TBX15: variants seen among roughly 807,000 people sequenced by gnomAD.
TBX15 encodes T-box transcription factor 15, also known as T-box transcription factor TBX15.
Under a neutral mutation model 53.9 loss-of-function variants are expected in TBX15, and 18 were observed. The ratio of observed to expected loss-of-function variants is 0.33; its 90% CI spans 0.23 to 0.49. The LOEUF is 0.49. Ranked by LOEUF, TBX15 falls within the 20% of genes least tolerant of loss-of-function variation. The pLI is 0.98. For missense variants in TBX15, 692 were observed against 749.5 expected, an observed-to-expected ratio of 0.92 and a Z score of 0.90; for synonymous variants, 295 against 278.0, an observed-to-expected ratio of 1.06 and a Z score of -0.61.
chr1:118,912,246 A>G (rs1239966072), intron 6 of TBX15, among the ~76,000 whole-genome samples: 2 of 152,172 alleles, frequency 1.3e-5, no homozygotes, highest in Non-Finnish European at 1.5e-5. Flanking sequence ...TAGTTTAATA[A>G]CTAACACCAG....
At chr1:118,914,411 C>T (rs928916768) in intron 5 of TBX15, among the ~76,000 whole-genome samples, 1 of 152,168 alleles carries the variant, frequency 6.6e-6, no homozygotes, top group African/African-American at 2.4e-5. Context: ...GTATGTGACT[C>T]TAAAAACTCT....
intron 6 of TBX15, among the ~76,000 whole-genome samples, chr1:118,911,074 T>G (rs1347213736): frequency 6.6e-6 from 1 of 152,200 alleles, no homozygotes; most frequent in Non-Finnish European, 1.5e-5. Context: ...ATAAGTCAAG[T>G]GTAAACTGTT....
chr1:118,964,736 A>C (rs976582923), intron 1 of TBX15, among the ~76,000 whole-genome samples: 1 of 152,256 alleles, frequency 6.6e-6, no homozygotes, highest in Non-Finnish European at 1.5e-5. Context: ...AGGCATATGC[A>C]CTGGGTCAAA....
rs970874562 is a variant in TBX15, at chr1:118,987,930, G to A, written c.-135C>T. ...TCGGACGAGGCTGAGACTGCGGCTC[G>A]CGGGTCTCTCCACCCTCCCCCTGCG... On this transcript the variant is annotated 5_prime_UTR_variant, in exon 1 of 8. Coordinates refer to ENST00000369429, the MANE Select transcript of TBX15 (RefSeq NM_001330677.2). The A allele has an allele frequency of 4.5e-5, 50 of 1,115,060 alleles. 1 individual carries two copies. The highest frequency in any genetic ancestry group is 6.3e-5 in the Non-Finnish European group (50 of 792,752). 69.1% of individuals were successfully genotyped at this position (1,115,060 alleles called of 1,614,324 possible). A position where few individuals can be genotyped will look rare whatever the true frequency, so the allele number is the denominator to read the frequency against.
chr1:118,928,308 C>T (rs1655667050), intron 2 of TBX15, among the ~76,000 whole-genome samples: 2 of 152,142 alleles, frequency 1.3e-5, no homozygotes, highest in African/African-American at 2.4e-5. Context: ...CCTTATTACT[C>T]TTCAGAAGCT....
rs139739666 is a variant in TBX15 at position 118,926,956 on chromosome 1, C to T, written c.420-345G>A. Among the ~76,000 whole-genome samples, 2,160 of 152,104 alleles carry T rather than the reference C, an allele frequency of 0.014. 46 individuals are homozygous for T. Among genetic ancestry groups the T allele is most frequent in the African/African-American group, 0.05 (2,081 of 41,500 alleles). On this transcript the variant is annotated intron_variant, in intron 2 of 7. Coordinates refer to ENST00000369429, the MANE Select transcript of TBX15 (RefSeq NM_001330677.2). ...AGCCAGGCTGATCTCGAACTCCTGA[C>T]CTCGTGATCTGCCCACCTCGGCCTC...
intron 5 of TBX15, among the ~76,000 whole-genome samples, chr1:118,920,712 C>T (rs1002173031): frequency 1.4e-4 from 22 of 152,068 alleles, no homozygotes; most frequent in Admixed American, 1.2e-3. Context: ...TCCAAGTGAC[C>T]TAATTGGAAG....
intron 1 of TBX15, among the ~76,000 whole-genome samples, chr1:118,965,824 A>T (rs1254601426): frequency 1.3e-5 from 2 of 152,250 alleles, no homozygotes; most frequent in Admixed American, 6.5e-5. Flanking sequence ...AGTCTAAAGT[A>T]CTATATATAT....
rs565402792 is a variant in TBX15, at chr1:118,945,412, T to C, written c.206-13580A>G. Among the ~76,000 whole-genome samples the C allele has an allele frequency of 3.9e-5, 6 of 152,330 alleles. No individual in the cohort carries two copies. The East Asian group carries it at 7.7e-4, about 20-fold the overall frequency. ...CTAGACAGGCAGACTGATAATTGTA[T>C]AACACTAATCAGGTGGGCTGTAAGT... On this transcript the variant is annotated intron_variant, in intron 1 of 7. Coordinates refer to ENST00000369429, the MANE Select transcript of TBX15 (RefSeq NM_001330677.2).
chr1:118,943,563 T>C (rs1000530240), intron 1 of TBX15, among the ~76,000 whole-genome samples: 2 of 151,952 alleles, frequency 1.3e-5, no homozygotes, highest in Non-Finnish European at 2.9e-5. Context: ...AAAAGAGGTA[T>C]ATTGGGTCTT....
chr1:118,890,928 C>T, intron 7 of TBX15: 5 of 1,304,148 alleles, frequency 3.8e-6, no homozygotes, highest in Non-Finnish European at 5.1e-6. Context: ...CTGAGGAGTG[C>T]TGATTCACTG....
chr1:118,947,153 A>G (rs1354053426), intron 1 of TBX15, among the ~76,000 whole-genome samples: 2 of 152,232 alleles, frequency 1.3e-5, no homozygotes, highest in Non-Finnish European at 2.9e-5. Context: ...AAAGCTGGAC[A>G]CAGTGAGTAA....
Position 118,988,034 on chromosome 1 carries a change from C to T in TBX15, c.-239G>A, listed in dbSNP as rs960943506. On this transcript the variant is annotated 5_prime_UTR_variant, in exon 1 of 8. Transcript: ENST00000369429. ...CTGCTAGGAACTAGCGCCCCGAGCG[C>T]CGCCCGCTCGCTGCATGAGCGCCCG... The T allele has an allele frequency of 1.7e-6, 1 of 590,116 alleles. No individual in the cohort carries two copies. Among genetic ancestry groups the T allele is most frequent in the African/African-American group, 1.9e-5 (1 of 52,378 alleles). The allele number at this position is 590,116 out of a possible 1,614,324, so 36.6% of individuals were successfully genotyped here.
chr1:118,960,614 A>G (rs1329266068), intron 1 of TBX15, among the ~76,000 whole-genome samples: 2 of 152,218 alleles, frequency 1.3e-5, no homozygotes, highest in African/African-American at 4.8e-5. Flanking sequence ...GCTGCAGGGA[A>G]GGCCTGCCAG....
intron 5 of TBX15, among the ~76,000 whole-genome samples, chr1:118,916,458 T>C (rs1274591627): frequency 6.6e-6 from 1 of 152,156 alleles, no homozygotes; most frequent in African/African-American, 2.4e-5. Flanking sequence ...AGAAGACATT[T>C]ATGTGGCCAA....
intron 6 of TBX15, among the ~76,000 whole-genome samples, chr1:118,902,208 C>G (rs569130389): frequency 1.8e-4 from 27 of 151,880 alleles, no homozygotes; most frequent in Admixed American, 4.6e-4. Flanking sequence ...AAAATTAATC[C>G]TATTTATTTA....
chr1:118,928,023 G>T (rs1177279261), intron 2 of TBX15, among the ~76,000 whole-genome samples: 1 of 152,170 alleles, frequency 6.6e-6, no homozygotes, highest in Non-Finnish European at 1.5e-5. Context: ...AATTGGCTTT[G>T]CTCCATTTCA....
chr1:118,985,655 C>T (rs1386367383), intron 1 of TBX15, among the ~76,000 whole-genome samples: 1 of 152,262 alleles, frequency 6.6e-6, no homozygotes, highest in Admixed American at 6.5e-5. Flanking sequence ...CTCCTAGACA[C>T]TTGCCCCACA....
intron 1 of TBX15, among the ~76,000 whole-genome samples, chr1:118,957,357 C>T (rs1466201116): frequency 6.6e-6 from 1 of 152,182 alleles, no homozygotes; most frequent in Non-Finnish European, 1.5e-5. Context: ...AGCTGGGTTT[C>T]TCTAGGGCAG....
Sources: gnomAD v4.1 joint callset for allele counts (sites outside exome capture counted in the v4.1 genomes callset) on GRCh38, gnomAD v4.1.1 for gene constraint, MANE v1.5 for transcripts, NCBI Gene and HGNC (gene_info 2026-07-23, HGNC 2026-07-21) for gene names.